NF1: variants seen among roughly 807,000 people sequenced by gnomAD.
NF1 encodes the protein neurofibromin 1.
NF1 carries 122 observed loss-of-function variants against 325.7 expected under a neutral mutation model. The ratio of observed to expected loss-of-function variants is 0.37; its 90% CI spans 0.32 to 0.44. The LOEUF (loss-of-function observed/expected upper bound fraction) is 0.44. NF1 is among the 20% of genes least tolerant of loss of function. NF1 has a pLI of 1.00. For synonymous variants in NF1, 1,091 were observed against 1,186.0 expected, an observed-to-expected ratio of 0.92 and a Z score of 1.65; for missense variants, 2,140 against 3,415.4, an observed-to-expected ratio of 0.63 and a Z score of 9.31.
chr17:31,190,508 A>T (rs2066324628), intron 8 of NF1, among the ~76,000 whole-genome samples: 1 of 152,224 alleles, frequency 6.6e-6, no homozygotes, highest in Non-Finnish European at 1.5e-5. Context: ...AATAGTTGAT[A>T]GAGATCTGAC....
At position 31,219,040 on chromosome 17, in the gene NF1, T is replaced by C; in HGVS notation, c.1563T>C (p.Ser521=). The change falls in exon 14 of 58, where the codon AGT becomes AGC. Residue 521 remains serine, a synonymous_variant. Transcript: ENST00000358273. The part of the protein sequence containing the change: ...PRKQGPETQG[S]TAELITGLVQ... ...AACAGGGGCCCGAAACCCAAGGCAG[T>C]ACAGCAGAATTAATTACAGGGCTCG... is the stretch of plus-strand genomic sequence containing the variant. The C allele has an allele frequency of 6.2e-7, 1 of 1,613,854 alleles. No individual in the cohort carries two copies. Among genetic ancestry groups the C allele is most frequent in the East Asian group, 2.2e-5 (1 of 44,878 alleles).
chr17:31,117,232 C>T (rs1416881401), intron 1 of NF1, among the ~76,000 whole-genome samples: 1 of 152,060 alleles, frequency 6.6e-6, no homozygotes, highest in Non-Finnish European at 1.5e-5. Flanking sequence ...CCTCCTGCCT[C>T]AGCCTCCCAG....
chr17:31,156,591 T>A (rs1365580364), intron 2 of NF1, among the ~76,000 whole-genome samples: 2 of 152,244 alleles, frequency 1.3e-5, no homozygotes, highest in African/African-American at 4.8e-5. Context: ...TTGATTTTTT[T>A]ATGAAGATAT....
chr17:31,356,809 G>C, intron 52 of NF1, 151 bp from the exon 53 acceptor site: 1 of 1,278,968 alleles, frequency 7.8e-7, no homozygotes, highest in Admixed American at 2.0e-5. Context: ...CAAAACTTTT[G>C]TGTAGGCGAA....
intron 8 of NF1, among the ~76,000 whole-genome samples, chr17:31,184,344 A>G (rs1005808498): frequency 9.2e-5 from 14 of 152,188 alleles, no homozygotes; most frequent in African/African-American, 3.4e-4. Context: ...AATTCAGTGG[A>G]CAAAGTGGTG....
intron 17 of NF1, 121 bp from the exon 18 acceptor site, chr17:31,226,314 C>CGG: frequency 8.5e-7 from 1 of 1,176,562 alleles, no homozygotes; most frequent in Non-Finnish European, 1.2e-6. Flanking sequence ...TTATTGTATG[C>CGG]GGAGACACAC....
At chr17:31,209,595 T>G (rs1233597149) in intron 12 of NF1, among the ~76,000 whole-genome samples, 1 of 152,208 alleles carries the variant, frequency 6.6e-6, no homozygotes, top group African/African-American at 2.4e-5. Context: ...TTTATTTTTA[T>G]ATCGTTTTGG....
At chr17:31,137,137 C>T (rs1199098745) in intron 1 of NF1, 1 of 151,964 alleles carries the variant, frequency 6.6e-6, no homozygotes, top group African/African-American at 2.4e-5. Context: ...GTTGTTTGTT[C>T]TGTAGTTTCA....
At chr17:31,265,708 A>ATCT (rs1256611188) in intron 36 of NF1, among the ~76,000 whole-genome samples, 1 of 152,202 alleles carries the variant, frequency 6.6e-6, no homozygotes, top group African/African-American at 2.4e-5. Flanking sequence ...AAATAAAACT[A>ATCT]TAAGAGCCTA....
intron 38 of NF1, among the ~76,000 whole-genome samples, chr17:31,329,265 T>C (rs1267934420): frequency 6.6e-6 from 1 of 152,256 alleles, no homozygotes. Context: ...CTGCCTTTAA[T>C]TTCTAATTCA....
At chr17:31,312,421 G>C (rs2151518453) in intron 36 of NF1, among the ~76,000 whole-genome samples, 1 of 151,518 alleles carries the variant, frequency 6.6e-6, no homozygotes, top group African/African-American at 2.4e-5. Flanking sequence ...TGAGGCAGAA[G>C]AATCTCTTGA....
rs1053695337 is a variant in NF1, at chr17:31,364,509, C to T, written c.8377+3806C>T. On this transcript the variant is annotated intron_variant, in intron 57 of 57. Coordinates refer to ENST00000358273, the MANE Select transcript of NF1 (RefSeq NM_001042492.3). ...CAAAATAAGAGATTCATGAACCTCT[C>T]CTCCTCCCCCTCCTGCCCCAGCATT... Among the ~76,000 whole-genome samples, 11 of 152,318 alleles carry T rather than the reference C, an allele frequency of 7.2e-5. 1 individual carries two copies. The highest frequency in any genetic ancestry group is 2.6e-4 in the African/African-American group (11 of 41,572).
chr17:31,169,315 C>T (rs2065895046), intron 4 of NF1, among the ~76,000 whole-genome samples: 1 of 151,958 alleles, frequency 6.6e-6, no homozygotes, highest in South Asian at 2.1e-4. Flanking sequence ...GAACCCTGGC[C>T]GAAAGTCGGC....
intron 36 of NF1, chr17:31,295,264 A>G (rs2068438251): frequency 1.2e-6 from 2 of 1,613,924 alleles, no homozygotes; most frequent in Admixed American, 3.3e-5. Context: ...CATCTTGGAG[A>G]TGAATAGTTA....
intron 30 of NF1, among the ~76,000 whole-genome samples, chr17:31,249,414 T>G (rs2067456463): frequency 6.6e-6 from 1 of 152,206 alleles, no homozygotes; most frequent in Non-Finnish European, 1.5e-5. Flanking sequence ...AATGAACATA[T>G]TATGGATTTT....
rs971186880 is a variant in NF1 at position 31,169,990 on chromosome 17, C to A, written c.579C>A (p.Leu193=). 6.3e-7 allele frequency: 1 copy of A among 1,598,730 alleles called. No individual in the cohort carries two copies. The highest frequency in any genetic ancestry group is 1.1e-5 in the South Asian group (1 of 90,694). Residue 193 remains leucine (L), a synonymous_variant, in exon 5 of 58, where the codon CTC becomes CTA. Transcript: ENST00000358273. The part of the protein sequence containing the change: ...INVDCAKLKR[L]LKETAFKFKA... ...TGGATTGTGCAAAATTAAAACGACT[C>A]CTGAAGGGTAAGTTTAAATGTATAA...
intron 12 of NF1, among the ~76,000 whole-genome samples, chr17:31,207,814 G>A (rs1157779132): frequency 1.3e-5 from 2 of 152,142 alleles, no homozygotes; most frequent in African/African-American, 4.8e-5. Flanking sequence ...TTATTCCAGA[G>A]ATCTGGGAAA....
At chr17:31,123,714 A>G (rs905923045) in intron 1 of NF1, among the ~76,000 whole-genome samples, 1 of 152,238 alleles carries the variant, frequency 6.6e-6, no homozygotes, top group African/African-American at 2.4e-5. Flanking sequence ...TTAGGCTGCT[A>G]TAACAAAATA....
chr17:31,273,975 C>T (rs1375021572), intron 36 of NF1, among the ~76,000 whole-genome samples: 1 of 152,042 alleles, frequency 6.6e-6, no homozygotes, highest in African/African-American at 2.4e-5. Context: ...AAGGTGTCTG[C>T]GTTTTCCTTA....
Sources: gnomAD v4.1 joint callset for allele counts (sites outside exome capture counted in the v4.1 genomes callset) on GRCh38, gnomAD v4.1.1 for gene constraint, MANE v1.5 for transcripts, NCBI Gene and HGNC (gene_info 2026-07-23, HGNC 2026-07-21) for gene names.